NBEA: variants seen among roughly 807,000 people sequenced by gnomAD.
The protein encoded by NBEA is neurobeachin.
NBEA carries 44 observed loss-of-function variants against 343.4 expected under a neutral mutation model. The observed-to-expected ratio is 0.13, with a 90% confidence interval of 0.10 to 0.16. The LOEUF is 0.16. Among genes scored for constraint, NBEA ranks in the 10% least tolerant of loss-of-function variants. The pLI, the probability that NBEA is intolerant of heterozygous loss-of-function variation, is 1.00. For synonymous variants in NBEA, 1,175 were observed against 1,238.7 expected, an observed-to-expected ratio of 0.95 and a Z score of 1.08; for missense variants, 2,555 against 3,631.3, an observed-to-expected ratio of 0.70 and a Z score of 7.62.
At chr13:35,093,783 G>A (rs1286917170) in intron 10 of NBEA, among the ~76,000 whole-genome samples, 6 of 152,012 alleles carry the variant, frequency 3.9e-5, no homozygotes, top group African/African-American at 7.2e-5. Flanking sequence ...CGTCCAGGAC[G>A]TTTTCATAAA....
At chr13:34,968,935 A>ATTATTAATGTGTTTTAATATCAATT in intron 1 of NBEA, among the ~76,000 whole-genome samples, 1 of 152,018 alleles carries the variant, frequency 6.6e-6, no homozygotes, top group Non-Finnish European at 1.5e-5. Flanking sequence ...ATATCAATTG[A>ATTATTAATGTGTTTTAATATCAATT]GAAGGACTTC....
intron 27 of NBEA, among the ~76,000 whole-genome samples, chr13:35,175,944 T>C (rs1490740065): frequency 2.6e-5 from 4 of 152,126 alleles, no homozygotes; most frequent in Admixed American, 1.3e-4. Context: ...TAGAGAAATA[T>C]AGAAAAGAAA....
At chr13:35,408,964 A>G (rs1251565818) in intron 38 of NBEA, among the ~76,000 whole-genome samples, 1 of 152,208 alleles carries the variant, frequency 6.6e-6, no homozygotes, top group Non-Finnish European at 1.5e-5. Flanking sequence ...GAAGACAGAA[A>G]TACCATTAGA....
chr13:35,223,890 C>T (rs968893474), intron 33 of NBEA, among the ~76,000 whole-genome samples: 2 of 152,128 alleles, frequency 1.3e-5, no homozygotes, highest in African/African-American at 2.4e-5. Flanking sequence ...GGCTGCATTT[C>T]TTATTGGAGA....
chr13:35,098,995 A>G (rs751147105), intron 11 of NBEA, among the ~76,000 whole-genome samples: 7 of 147,676 alleles, frequency 4.7e-5, no homozygotes, highest in Admixed American at 2.0e-4. Context: ...GGAGTACTGT[A>G]GTTGTTTCTT....
intron 1 of NBEA, among the ~76,000 whole-genome samples, chr13:35,020,666 T>G (rs2061806907): frequency 6.6e-6 from 1 of 152,126 alleles, no homozygotes; most frequent in African/African-American, 2.4e-5. Context: ...TACAGCTGCG[T>G]GCCACCACAC....
intron 1 of NBEA, among the ~76,000 whole-genome samples, chr13:35,025,657 TG>T (rs1324432022): frequency 6.6e-6 from 1 of 152,132 alleles, no homozygotes; most frequent in East Asian, 1.9e-4. Flanking sequence ...AGAGCTCTAG[TG>T]GGAGAGTGAT....
Position 35,208,859 on chromosome 13 carries a change from T to A in NBEA, c.5521+5T>A, listed in dbSNP as rs2073575418. On this transcript the variant is annotated splice_donor_5th_base_variant and intron_variant, in intron 32 of 58. Coordinates refer to ENST00000379939, the MANE Select transcript of NBEA (RefSeq NM_001385012.1). ...AAAGTATGATTAATACAACAGGTAT[T>A]GTACTTACATATTTTTGTGATACTC... The A allele has an allele frequency of 1.3e-6, 2 of 1,525,366 alleles. No homozygotes were observed. Among genetic ancestry groups the A allele is most frequent in the South Asian group, 2.5e-5 (2 of 79,186 alleles). The allele number at this position is 1,525,366 out of a possible 1,614,324, so 94.5% of individuals were successfully genotyped here. A position where few individuals can be genotyped will look rare whatever the true frequency, so the allele number is the denominator to read the frequency against.
At chr13:34,976,352 CAT>C (rs1335056316) in intron 1 of NBEA, among the ~76,000 whole-genome samples, 2 of 152,086 alleles carry the variant, frequency 1.3e-5, no homozygotes, top group African/African-American at 2.4e-5. Flanking sequence ...TGTTCTCACT[CAT>C]ATGTGAGAGC....
chr13:34,968,185 C>G (rs1331157969), intron 1 of NBEA, among the ~76,000 whole-genome samples: 1 of 152,066 alleles, frequency 6.6e-6, no homozygotes, highest in East Asian at 1.9e-4. Context: ...GCTTCCATGC[C>G]CTTACTGGGC....
chr13:35,106,775 T>A (rs2065938297), intron 11 of NBEA, among the ~76,000 whole-genome samples: 1 of 151,854 alleles, frequency 6.6e-6, no homozygotes, highest in Non-Finnish European at 1.5e-5. Context: ...CCGCCTTTTT[T>A]TTTTAAAGTA....
chr13:35,642,031 T>C (rs958219786), intron 49 of NBEA, among the ~76,000 whole-genome samples: 1 of 152,204 alleles, frequency 6.6e-6, no homozygotes, highest in Non-Finnish European at 1.5e-5. Context: ...TACAAGCAAA[T>C]CTATATTTTC....
Position 35,109,043 on chromosome 13 carries a change from T to C in NBEA, c.1681-247T>C, listed in dbSNP as rs1325385170. Among the ~76,000 whole-genome samples, 5 of 152,272 alleles carry C rather than the reference T, an allele frequency of 3.3e-5. 1 individual carries two copies. In the South Asian group the frequency reaches 8.3e-4, roughly 25 times the overall value. On this transcript the variant is annotated intron_variant, in intron 11 of 58. Coordinates refer to ENST00000379939, the MANE Select transcript of NBEA (RefSeq NM_001385012.1). ...TCATTTCTTTAGCTAATAGTAGAAT[T>C]ATTTAACTTGAATTATTTATCTGTA...
chr13:35,355,307 C>T (rs921428713), intron 38 of NBEA, among the ~76,000 whole-genome samples: 1 of 152,140 alleles, frequency 6.6e-6, no homozygotes, highest in Non-Finnish European at 1.5e-5. Context: ...CTCAGCGCAA[C>T]AGCCTGAGTG....
In NBEA at chr13:35,562,849, AT is replaced by A. The variant is rs2079927369; in HGVS notation, c.6923-4052del. 3.9e-5 allele frequency among the ~76,000 whole-genome samples: 6 copies of A among 152,106 alleles called. No homozygotes were observed. The South Asian group carries it at 1.2e-3, about 32-fold the overall frequency. On this transcript the variant is annotated intron_variant, in intron 44 of 58. Coordinates refer to ENST00000379939, the MANE Select transcript of NBEA (RefSeq NM_001385012.1). ...TAAACAATATTTTGCTGTCATTAAC[AT>A]TTTCACCAAGGAATTGCAGTTATAA...
At chr13:35,256,840 T>C (rs892458114) in intron 34 of NBEA, among the ~76,000 whole-genome samples, 3 of 152,176 alleles carry the variant, frequency 2.0e-5, no homozygotes, top group African/African-American at 7.2e-5. Context: ...GCAAACACTT[T>C]CAAGCCTGTG....
intron 34 of NBEA, among the ~76,000 whole-genome samples, chr13:35,265,541 T>C (rs2033602644): frequency 6.6e-6 from 1 of 151,786 alleles, no homozygotes; most frequent in Non-Finnish European, 1.5e-5. Flanking sequence ...GATAGAAAGA[T>C]AGCCCAGAAA....
At position 35,356,898 on chromosome 13, in the gene NBEA, C is replaced by T. The variant is rs138517872; in HGVS notation, c.6179+4575C>T. Among the ~76,000 whole-genome samples the T allele has an allele frequency of 2.3e-4, 35 of 152,254 alleles. 1 individual carries two copies. The East Asian group carries it at 6.8e-3, about 29-fold the overall frequency. On this transcript the variant is annotated intron_variant, in intron 38 of 58. Coordinates refer to ENST00000379939, the MANE Select transcript of NBEA (RefSeq NM_001385012.1). ...TGTTTCCTCATTAGAGTGGATTTCT[C>T]TGACCTTTCTATCAAAAATTGCACA...
At chr13:35,627,262 TG>T in intron 48 of NBEA, among the ~76,000 whole-genome samples, 1 of 152,252 alleles carries the variant, frequency 6.6e-6, no homozygotes, top group Non-Finnish European at 1.5e-5. Flanking sequence ...TCCATGTTGT[TG>T]AAATCAGTGT....
Sources: gnomAD v4.1 joint callset for allele counts (sites outside exome capture counted in the v4.1 genomes callset) on GRCh38, gnomAD v4.1.1 for gene constraint, MANE v1.5 for transcripts, NCBI Gene and HGNC (gene_info 2026-07-23, HGNC 2026-07-21) for gene names.